The following AGBL1 variants were observed in gnomAD, a reference collection of about 807,000 sequenced individuals.
AGBL1 encodes AGBL carboxypeptidase 1.
A neutral mutation model predicts 118.9 loss-of-function variants in AGBL1; 130 were observed. The ratio of observed to expected loss-of-function variants is 1.09; its 90% CI spans 0.95 to 1.26. AGBL1 has a LOEUF of 1.26. Ranked by LOEUF, AGBL1 falls within the 50% of genes most tolerant of loss-of-function variation. AGBL1 has a pLI of 0.00. For synonymous variants in AGBL1, 555 were observed against 478.9 expected (o/e 1.16, Z -2.08); for missense variants, 1,584 against 1,298.1 (o/e 1.22, Z -3.38).
intron 6 of AGBL1, among the ~76,000 whole-genome samples, chr15:86,245,413 A>T (rs1355368174): frequency 1.3e-5 from 2 of 152,338 alleles, no homozygotes; most frequent in East Asian, 3.9e-4. Context: ...CGGTAGTGAG[A>T]GAACGGAGCT....
At chr15:86,983,377 A>T (rs1596705869) in intron 23 of AGBL1, among the ~76,000 whole-genome samples, 1 of 152,314 alleles carries the variant, frequency 6.6e-6, no homozygotes, top group East Asian at 1.9e-4. Flanking sequence ...CACAAAGAAT[A>T]TATATGATGA....
intron 3 of AGBL1, among the ~76,000 whole-genome samples, chr15:86,146,318 A>G (rs1227173308): frequency 6.6e-6 from 1 of 152,234 alleles, no homozygotes; most frequent in East Asian, 1.9e-4. Flanking sequence ...TGATTTACAT[A>G]GCATTTACAT....
chr15:86,094,122 A>G (rs1365336079), intron 1 of AGBL1, among the ~76,000 whole-genome samples: 2 of 152,198 alleles, frequency 1.3e-5, no homozygotes, highest in African/African-American at 2.4e-5. Flanking sequence ...TTGAATCTCT[A>G]TATTTGCAGT....
chr15:86,583,562 C>A (rs2084204131), intron 21 of AGBL1, among the ~76,000 whole-genome samples: 1 of 152,008 alleles, frequency 6.6e-6, no homozygotes, highest in African/African-American at 2.4e-5. Context: ...ATGTACATTT[C>A]CTTTATCCAG....
Position 86,269,938 on chromosome 15 carries a change from GTCAACGCAGA to G in AGBL1, c.1860_1869del (p.Asn621Ter), listed in dbSNP as rs746524434. 3 of 1,613,640 alleles carry G rather than the reference GTCAACGCAGA, an allele frequency of 1.9e-6. No individual in the cohort carries two copies. The highest frequency in any genetic ancestry group is 2.5e-6 in the Non-Finnish European group (3 of 1,179,784). ...CTGCAGGTTCGAGTATGACTTGCTG[GTCAACGCAGA>G]TGTGAATAGCACCCAGCACCAGCAG... On this transcript the variant is annotated frameshift_variant, in exon 14 of 23. Transcript: ENST00000614907. LOFTEE classifies it high-confidence loss of function.
chr15:86,575,476 G>T (rs1205002212), intron 21 of AGBL1, among the ~76,000 whole-genome samples: 1 of 151,396 alleles, frequency 6.6e-6, no homozygotes, highest in Non-Finnish European at 1.5e-5. Context: ...GTCCAGTTTG[G>T]GTAACAGAGA....
chr15:86,490,154 T>A (rs2082761402), intron 18 of AGBL1, among the ~76,000 whole-genome samples: 1 of 152,070 alleles, frequency 6.6e-6, no homozygotes, highest in East Asian at 1.9e-4. Flanking sequence ...CCTTATCTCG[T>A]ACTTTCTGTT....
chr15:86,350,538 G>C (rs1330025943), intron 17 of AGBL1, among the ~76,000 whole-genome samples: 2 of 152,160 alleles, frequency 1.3e-5, no homozygotes, highest in Non-Finnish European at 2.9e-5. Flanking sequence ...GTATACATAG[G>C]CTGTTTTTCT....
intron 22 of AGBL1, among the ~76,000 whole-genome samples, chr15:86,740,133 A>G (rs1348129515): frequency 6.6e-6 from 1 of 152,228 alleles, no homozygotes; most frequent in Non-Finnish European, 1.5e-5. Context: ...GAAGCCCAGC[A>G]AGTACATTTC....
chr15:86,772,452 C>G (rs1343800671), intron 22 of AGBL1, among the ~76,000 whole-genome samples: 2 of 151,998 alleles, frequency 1.3e-5, no homozygotes, highest in African/African-American at 4.8e-5. Context: ...ATAGAAATTT[C>G]AATTAGGCAG....
At chr15:86,408,898 A>T (rs2081573276) in intron 18 of AGBL1, among the ~76,000 whole-genome samples, 1 of 152,158 alleles carries the variant, frequency 6.6e-6, no homozygotes, top group African/African-American at 2.4e-5. Context: ...CTGGAAAAAA[A>T]GTAGGGGTGG....
At position 86,279,604 on chromosome 15, in the gene AGBL1, C is replaced by T. The variant is rs763362967; in HGVS notation, c.2076-35C>T. On this transcript the variant is annotated intron_variant, in intron 15 of 22. Transcript: ENST00000614907. The stretch of plus-strand genomic sequence containing the variant: ...ACCCTGCACCCCCCTCCCACCTCTC[C>T]CTTATTCTCTTCTCTTCTCCTCCTC... The T allele has an allele frequency of 3.7e-6, 6 of 1,605,284 alleles. 1 individual carries two copies. The South Asian group carries it at 6.6e-5, about 18-fold the overall frequency.
At chr15:86,851,900 T>C (rs903641966) in intron 22 of AGBL1, among the ~76,000 whole-genome samples, 1 of 152,200 alleles carries the variant, frequency 6.6e-6, no homozygotes, top group African/African-American at 2.4e-5. Flanking sequence ...TTGTGGTGAA[T>C]GGTTTTCCTG....
At chr15:86,890,082 C>T (rs953404191) in intron 22 of AGBL1, among the ~76,000 whole-genome samples, 1 of 152,080 alleles carries the variant, frequency 6.6e-6, no homozygotes, top group Non-Finnish European at 1.5e-5. Context: ...TTTTAATAGT[C>T]ACCATTCTGA....
intron 18 of AGBL1, among the ~76,000 whole-genome samples, chr15:86,480,426 G>A (rs1372773164): frequency 1.3e-5 from 2 of 151,926 alleles, no homozygotes; most frequent in African/African-American, 2.4e-5. Flanking sequence ...TCAGGTTTGT[G>A]GCTATTTTTG....
chr15:86,425,817 T>C (rs1363898424), intron 18 of AGBL1, among the ~76,000 whole-genome samples: 1 of 152,184 alleles, frequency 6.6e-6, no homozygotes, highest in Non-Finnish European at 1.5e-5. Context: ...TTTAATATAC[T>C]GGATAATTCT....
intron 5 of AGBL1, among the ~76,000 whole-genome samples, chr15:86,190,443 C>T (rs1347484431): frequency 6.6e-6 from 1 of 152,066 alleles, no homozygotes; most frequent in Non-Finnish European, 1.5e-5. Flanking sequence ...ATCTATTCTT[C>T]ATATTTTATG....
intron 18 of AGBL1, among the ~76,000 whole-genome samples, chr15:86,520,146 T>A (rs943991546): frequency 1.3e-5 from 2 of 152,144 alleles, no homozygotes; most frequent in African/African-American, 4.8e-5. Context: ...TAGGATGAGG[T>A]AAGGAACCAA....
At chr15:86,632,000 C>T (rs62031338) in intron 21 of AGBL1, among the ~76,000 whole-genome samples, 36,247 of 151,046 alleles carry the variant, frequency 0.24, 4,886 homozygotes, top group East Asian at 0.43. Context: ...GAGCAGTCTG[C>T]GCAAGCCTAG....
Sources: gnomAD v4.1 joint callset for allele counts (sites outside exome capture counted in the v4.1 genomes callset) on GRCh38, gnomAD v4.1.1 for gene constraint, MANE v1.5 for transcripts, NCBI Gene and HGNC (gene_info 2026-07-23, HGNC 2026-07-21) for gene names.